RP1: variants seen among roughly 807,000 people sequenced by gnomAD.
RP1 encodes RP1 axonemal microtubule associated.
A neutral mutation model predicts 14.8 loss-of-function variants in RP1; 16 were observed. That is an observed-to-expected ratio of 1.08 (90% CI 0.73 to 1.65). The LOEUF is 1.65. Ranked by LOEUF, RP1 falls within the 40% of genes most tolerant of loss-of-function variation. The probability of loss-of-function intolerance (pLI) is 0.00; values close to 1 mark genes in which losing one functional copy is unlikely to be tolerated. For synonymous variants in RP1, 876 were observed against 883.6 expected, an observed-to-expected ratio of 0.99 and a Z score of 0.15; for missense variants, 2,631 against 2,535.0, an observed-to-expected ratio of 1.04 and a Z score of -0.81.
chr8:54,630,976 G>A, downstream of RP1: 1 of 350,930 alleles, frequency 2.8e-6, no homozygotes, highest in Non-Finnish European at 4.0e-6. Flanking sequence ...TTTCCCAGGA[G>A]TTAACCAGGA....
At chr8:54,652,661 A>C in intron 4 of RP1, 1 of 680,324 alleles carries the variant, frequency 1.5e-6, no homozygotes, top group Non-Finnish European at 2.6e-6. Flanking sequence ...ACATGTTTAT[A>C]ATTCTTATGT....
chr8:54,864,375 G>C lies in RP1; in HGVS notation c.4070-1460G>C, dbSNP rs377391531. Among the ~76,000 whole-genome samples, 23 of 152,232 alleles carry C rather than the reference G, an allele frequency of 1.5e-4. 1 individual carries two copies. In the East Asian group the frequency reaches 4.4e-3, roughly 29 times the overall value. On this transcript the variant is annotated intron_variant, in intron 27 of 28. Transcript: ENST00000637698. ...TCCTCTGTATTATAAATTATATGATGAGAAAAAGAAGGCAAACACCAAACA... is the reference window on the plus strand; with the variant it reads ...TCCTCTGTATTATAAATTATATGATCAGAAAAAGAAGGCAAACACCAAACA...
chr8:54,831,430 A>T (rs1811524143), intron 24 of RP1, among the ~76,000 whole-genome samples: 3 of 114,292 alleles, frequency 2.6e-5, no homozygotes, highest in Non-Finnish European at 5.3e-5. Context: ...AACATTCAAT[A>T]GTATCTTCTC....
intron 12 of RP1, among the ~76,000 whole-genome samples, chr8:54,694,322 T>C (rs1470464223): frequency 1.3e-5 from 2 of 152,202 alleles, no homozygotes; most frequent in African/African-American, 4.8e-5. Context: ...ATCAGGATGA[T>C]GCTGGCCTCA....
intron 1 of RP1, among the ~76,000 whole-genome samples, chr8:54,588,160 C>T (rs1804973711): frequency 6.6e-6 from 1 of 152,018 alleles, no homozygotes; most frequent in South Asian, 2.1e-4. Flanking sequence ...TAAGTTATTC[C>T]CTGGGATAGG....
intron 18 of RP1, among the ~76,000 whole-genome samples, chr8:54,734,962 T>C (rs890878470): frequency 4.0e-5 from 6 of 151,672 alleles, no homozygotes; most frequent in Non-Finnish European, 8.8e-5. Context: ...AAATTTGCTT[T>C]CTTTAAAGAC....
chr8:54,576,197 C>T (rs1234679149), intron 1 of RP1, among the ~76,000 whole-genome samples: 2 of 152,042 alleles, frequency 1.3e-5, no homozygotes, highest in African/African-American at 2.4e-5. Context: ...CGCGCCACCA[C>T]GCCCGGCTAA....
intron 24 of RP1, among the ~76,000 whole-genome samples, chr8:54,822,763 G>A (rs1223542949): frequency 6.6e-6 from 1 of 152,104 alleles, no homozygotes; most frequent in Non-Finnish European, 1.5e-5. Flanking sequence ...ATCAACATTA[G>A]CCAACTAAAG....
At position 54,759,130 on chromosome 8, in the gene RP1, C is replaced by CTGTGTG. The variant is rs3077333; in HGVS notation, c.3248+94_3248+99dup. The CTGTGTG allele has an allele frequency of 1.9e-3, 1,453 of 768,204 alleles. 1 individual carries two copies. The highest frequency in any genetic ancestry group is 1.9e-3 in the Non-Finnish European group (1,000 of 528,842). 47.6% of individuals were successfully genotyped at this position (768,204 alleles called of 1,614,324 possible). ...AGAGTATGCTGCACTGTGGATGATG[C>CTGTGTG]TGTGTGTGTGTGTGTGTGTGTGTGT... On this transcript the variant is annotated intron_variant, in intron 22 of 22. Coordinates refer to the RP1 transcript ENST00000636932.
At chr8:54,586,184 G>A (rs2129298883) in intron 1 of RP1, among the ~76,000 whole-genome samples, 1 of 152,234 alleles carries the variant, frequency 6.6e-6, no homozygotes, top group South Asian at 2.1e-4. Context: ...TGGTGTGGAT[G>A]TCCTTTCTGT....
At chr8:54,654,716 T>C (rs984089356) in intron 5 of RP1, among the ~76,000 whole-genome samples, 5 of 152,158 alleles carry the variant, frequency 3.3e-5, no homozygotes, top group African/African-American at 1.2e-4. Flanking sequence ...AGCACGATCA[T>C]GGCTCACTGC....
At chr8:54,794,012 A>G (rs936827798) in intron 24 of RP1, among the ~76,000 whole-genome samples, 1 of 151,960 alleles carries the variant, frequency 6.6e-6, no homozygotes, top group Non-Finnish European at 1.5e-5. Context: ...TTGCATTTTC[A>G]TACATCTCTA....
intron 25 of RP1, among the ~76,000 whole-genome samples, chr8:54,849,806 A>G (rs1271170908): frequency 6.6e-6 from 1 of 152,212 alleles, no homozygotes; most frequent in African/African-American, 2.4e-5. Flanking sequence ...TTGATAATAC[A>G]TGGGTTATGC....
In RP1 at chr8:54,626,779, A is replaced by G. The variant is rs200109948; in HGVS notation, c.2897A>G (p.Asn966Ser). 1.2e-6 allele frequency: 2 copies of G among 1,613,852 alleles called. No homozygotes were observed. The highest frequency in any genetic ancestry group is 2.7e-5 in the African/African-American group (2 of 75,058). Residue 966 changes from asparagine (N) to serine (S), a missense_variant, in exon 4 of 4, where the codon AAT (asparagine) becomes AGT (serine). Transcript: ENST00000220676. ...DPHTNSGKIS[N>S]FVMESNKHIT... Reference sequence around the variant, plus strand: ...CATACAAATTCTGGAAAAATAAGTAATTTTGTTATGGAAAGTAATAAGCAC... The same window carrying G: ...CATACAAATTCTGGAAAAATAAGTAGTTTTGTTATGGAAAGTAATAAGCAC...
At chr8:54,714,214 C>G (rs1194958144) in intron 15 of RP1, among the ~76,000 whole-genome samples, 1 of 152,214 alleles carries the variant, frequency 6.6e-6, no homozygotes, top group East Asian at 1.9e-4. Context: ...GCGTGAGCCA[C>G]CGCACCCAGC....
intron 1 of RP1, among the ~76,000 whole-genome samples, chr8:54,578,929 C>T (rs746128153): frequency 3.3e-5 from 5 of 152,142 alleles, no homozygotes; most frequent in Non-Finnish European, 5.9e-5. Context: ...TGCCTCATCC[C>T]CCTTCTTAGA....
At chr8:54,666,452 G>A (rs528162919) in intron 7 of RP1, among the ~76,000 whole-genome samples, 1 of 152,094 alleles carries the variant, frequency 6.6e-6, no homozygotes, top group South Asian at 2.1e-4. Context: ...CACATTTCCA[G>A]AGGTAGGTAA....
chr8:54,571,132 G>C (rs1804511692), intron 1 of RP1, among the ~76,000 whole-genome samples: 1 of 147,284 alleles, frequency 6.8e-6, no homozygotes, highest in East Asian at 2.1e-4. Flanking sequence ...CTCTGCACTG[G>C]TCCTGCCTGC....
Position 54,625,704 on chromosome 8 carries a change from A to G in RP1, c.1822A>G (p.Ile608Val). The G allele has an allele frequency of 6.2e-7, 1 of 1,614,124 alleles. No individual in the cohort carries two copies. Reference sequence around the variant, plus strand: ...TAACACCAATGATAGGTTCAGTCCTATTTCAGCAGATGCAACCCATTTTTC... The same window carrying G: ...TAACACCAATGATAGGTTCAGTCCTGTTTCAGCAGATGCAACCCATTTTTC... ...YGNTNDRFSP[I>V]SADATHFSSN... The change falls in exon 4 of 4, where the codon ATT becomes GTT. Residue 608 changes from isoleucine to valine, a missense_variant. By Grantham distance (29) the Ile-to-Val change is conservative. Coordinates refer to ENST00000220676, the MANE Select transcript of RP1 (RefSeq NM_006269.2).
Sources: gnomAD v4.1 joint callset for allele counts (sites outside exome capture counted in the v4.1 genomes callset) on GRCh38, gnomAD v4.1.1 for gene constraint, MANE v1.5 for transcripts, NCBI Gene and HGNC (gene_info 2026-07-23, HGNC 2026-07-21) for gene names.